Variants in AGAP1 observed in about 807,000 individuals in gnomAD.
AGAP1 encodes ArfGAP with GTPase domain, ankyrin repeat and PH domain 1.
Under a neutral mutation model 105.3 loss-of-function variants are expected in AGAP1, and 29 were observed. The observed-to-expected ratio is 0.28, with a 90% CI of 0.21 to 0.38. The LOEUF is 0.38. AGAP1 is among the 10% of genes least tolerant of loss of function. AGAP1 has a pLI of 1.00. For synonymous variants in AGAP1, 509 were observed against 485.9 expected, an observed-to-expected ratio of 1.05 and a Z score of -0.63; for missense variants, 998 against 1,165.1, an observed-to-expected ratio of 0.86 and a Z score of 2.09.
chr2:235,715,962 A>C (rs971879874), intron 2 of AGAP1, among the ~76,000 whole-genome samples: 1 of 152,180 alleles, frequency 6.6e-6, no homozygotes, highest in Non-Finnish European at 1.5e-5. Context: ...AATACCGCAT[A>C]GGTGGCGTAC....
At chr2:235,680,010 T>A (rs1167106811) in intron 1 of AGAP1, among the ~76,000 whole-genome samples, 1 of 152,266 alleles carries the variant, frequency 6.6e-6, no homozygotes, top group East Asian at 1.9e-4. Flanking sequence ...AACGTACTAC[T>A]ACTTTGGATA....
rs767216903 is a variant in AGAP1 at position 235,635,736 on chromosome 2, CG to C, written c.164-73440del. ...TTGCCCGGAAGTCTGATGCGTGAGG[CG>C]GGAAGGTTAAAACTTGTTGGCTTTG... On this transcript the variant is annotated intron_variant, in intron 1 of 17. Transcript: ENST00000304032. This position sits in a 1 kb window ranked among gnomAD's most constrained non-coding sequence, Gnocchi z 5.3. Among the ~76,000 whole-genome samples the C allele has an allele frequency of 9.2e-5, 14 of 152,214 alleles. No individual in the cohort carries two copies. Among genetic ancestry groups the C allele is most frequent in the Non-Finnish European group, 1.6e-4 (11 of 68,018 alleles).
At chr2:235,978,170 G>A (rs1034738038) in intron 13 of AGAP1, among the ~76,000 whole-genome samples, 2 of 152,174 alleles carry the variant, frequency 1.3e-5, no homozygotes, top group Admixed American at 6.5e-5. Context: ...CAGCACATTG[G>A]TGGGGTGAGG....
chr2:236,050,738 T>C lies in AGAP1; in HGVS notation c.2114+1457T>C, dbSNP rs184098536. On this transcript the variant is annotated intron_variant, in intron 16 of 17. Transcript: ENST00000304032. The surrounding 1 kb of genome is among the most constrained non-coding windows in gnomAD (Gnocchi z 4.0). The stretch of plus-strand genomic sequence containing the variant: ...GGAAAAATCTATGCATCTTACTGTT[T>C]ATATGTAAAAGAAGCACATTCACTA... Among the ~76,000 whole-genome samples the C allele has an allele frequency of 3.3e-5, 5 of 152,364 alleles. No individual in the cohort carries two copies. The highest frequency in any genetic ancestry group is 7.3e-5 in the Non-Finnish European group (5 of 68,038).
chr2:235,829,770 T>C (rs1160307126), intron 9 of AGAP1, among the ~76,000 whole-genome samples: 1 of 152,184 alleles, frequency 6.6e-6, no homozygotes, highest in Non-Finnish European at 1.5e-5. Context: ...GGGTGGCCCC[T>C]CTGTGCTGGG....
rs1235045622 is a variant in AGAP1 at position 236,038,158 on chromosome 2, T to A, written c.1800+1443T>A. ...TTCCATACACCCTGGCTTTACTGGG[T>A]CACGTCCACATGCATCCATGATGTG... On this transcript the variant is annotated intron_variant, in intron 14 of 17. Transcript: ENST00000304032. The surrounding 1 kb of genome is among the most constrained non-coding windows in gnomAD (Gnocchi z 4.5). Among the ~76,000 whole-genome samples the A allele has an allele frequency of 6.6e-6, 1 of 152,148 alleles. No individual in the cohort carries two copies. Among genetic ancestry groups the A allele is most frequent in the Non-Finnish European group, 1.5e-5 (1 of 68,028 alleles).
chr2:235,557,056 C>T lies in AGAP1; in HGVS notation c.163+62207C>T, dbSNP rs1466488555. Among the ~76,000 whole-genome samples, 5 of 152,124 alleles carry T rather than the reference C, an allele frequency of 3.3e-5. No homozygotes were observed. The highest frequency in any genetic ancestry group is 1.9e-4 in the East Asian group (1 of 5,190). ...AGGCAGACTTGGCCTTCCCAGCTGGCGCGGGACTGGGGACTTAGGGGACTG... is the reference window on the plus strand; with the variant it reads ...AGGCAGACTTGGCCTTCCCAGCTGGTGCGGGACTGGGGACTTAGGGGACTG... On this transcript the variant is annotated intron_variant, in intron 1 of 17. Coordinates refer to ENST00000304032, the MANE Select transcript of AGAP1 (RefSeq NM_001037131.3). This position sits in a 1 kb window ranked among gnomAD's most constrained non-coding sequence, Gnocchi z 4.7.
chr2:235,851,961 G>A (rs1487157544), intron 9 of AGAP1, among the ~76,000 whole-genome samples: 1 of 152,134 alleles, frequency 6.6e-6, no homozygotes, highest in Non-Finnish European at 1.5e-5. Context: ...ATACATTAAA[G>A]TGGGCAAAGC....
intron 1 of AGAP1, chr2:235,671,051 C>A (rs1163086125): frequency 1.6e-6 from 2 of 1,281,382 alleles, no homozygotes; most frequent in African/African-American, 1.5e-5. Context: ...CGGCTCCCCG[C>A]GCAGAGGTGG....
chr2:236,018,411 C>G (rs977955514), intron 13 of AGAP1, among the ~76,000 whole-genome samples: 1 of 152,322 alleles, frequency 6.6e-6, no homozygotes, highest in South Asian at 2.1e-4. Flanking sequence ...GGAGGAAACT[C>G]GGGAGGGAGG....
intron 1 of AGAP1, among the ~76,000 whole-genome samples, chr2:235,584,925 T>TTA (rs60407184): frequency 4.4e-4 from 64 of 145,876 alleles, no homozygotes; most frequent in African/African-American, 1.5e-3. Context: ...TTTTTTTTTT[T>TTA]AAAGAAAACC....
rs561634029 is a variant in AGAP1, at chr2:235,950,622, A to G, written c.1484-17840A>G. ...GAATGACCAGAGCTTTCTCTGCTGA[A>G]TAGCCAGCCAGCCAGGATTCTGCTT... is the stretch of plus-strand genomic sequence containing the variant. On this transcript the variant is annotated intron_variant, in intron 12 of 17. Coordinates refer to ENST00000304032, the MANE Select transcript of AGAP1 (RefSeq NM_001037131.3). 1.3e-4 allele frequency among the ~76,000 whole-genome samples: 20 copies of G among 151,744 alleles called. No individual in the cohort carries two copies. In the East Asian group the frequency reaches 3.9e-3, roughly 30 times the overall value.
chr2:236,004,589 T>A (rs932346982), intron 13 of AGAP1, among the ~76,000 whole-genome samples: 1 of 152,214 alleles, frequency 6.6e-6, no homozygotes. Context: ...AAATAAAATA[T>A]ATGGAGACAG....
intron 2 of AGAP1, among the ~76,000 whole-genome samples, chr2:235,711,257 G>A (rs1186586702): frequency 1.3e-5 from 2 of 152,182 alleles, no homozygotes; most frequent in Non-Finnish European, 2.9e-5. Flanking sequence ...AGCCACACAG[G>A]GCCAGCGGCC....
rs1951542218 is a variant in AGAP1, at chr2:235,724,325, C to T, written c.310+6681C>T. On this transcript the variant is annotated intron_variant, in intron 3 of 17. Transcript: ENST00000304032. This position sits in a 1 kb window ranked among gnomAD's most constrained non-coding sequence, Gnocchi z 4.9. ...CCCTCCCAGAAGGGCGACCCTCCAG[C>T]CCCATGTCCAGGCTCTCCCATCTTC... 6.6e-6 allele frequency among the ~76,000 whole-genome samples: 1 copy of T among 152,226 alleles called. No homozygotes were observed. The highest frequency in any genetic ancestry group is 2.4e-5 in the African/African-American group (1 of 41,450).
In AGAP1 at chr2:235,979,633, G is replaced by A. The variant is rs555088845; in HGVS notation, c.1645+11010G>A. Among the ~76,000 whole-genome samples, 1 of 152,194 alleles carries A rather than the reference G, an allele frequency of 6.6e-6. No homozygotes were observed. On this transcript the variant is annotated intron_variant, in intron 13 of 17. Transcript: ENST00000304032. The surrounding 1 kb of genome is among the most constrained non-coding windows in gnomAD (Gnocchi z 4.5). The stretch of plus-strand genomic sequence containing the variant: ...GTTCCGGCAGGCATTGCCGTGCACG[G>A]ACACACAACTTCACAAGGGCCTCTT...
At chr2:235,540,147 TC>T in intron 1 of AGAP1, among the ~76,000 whole-genome samples, 1 of 144,384 alleles carries the variant, frequency 6.9e-6, no homozygotes, top group African/African-American at 2.6e-5. Flanking sequence ...CCCTCTCTCC[TC>T]TTTTTTTTTT....
At chr2:235,647,392 C>A (rs1230135173) in intron 1 of AGAP1, among the ~76,000 whole-genome samples, 8 of 152,012 alleles carry the variant, frequency 5.3e-5, no homozygotes, top group South Asian at 4.2e-4. Flanking sequence ...AATCACATTT[C>A]TTTTTTCTTT....
Position 236,062,456 on chromosome 2 carries a change from T to C in AGAP1, c.2114+13175T>C, listed in dbSNP as rs2058227249. On this transcript the variant is annotated intron_variant, in intron 16 of 17. Coordinates refer to ENST00000304032, the MANE Select transcript of AGAP1 (RefSeq NM_001037131.3). The surrounding 1 kb of genome is among the most constrained non-coding windows in gnomAD (Gnocchi z 4.2). The stretch of plus-strand genomic sequence containing the variant: ...CGTATTTTGTTGTTGTTGTTGTTGT[T>C]GTTGTTACTTTTCATTTATTTTCAT... 6.8e-6 allele frequency among the ~76,000 whole-genome samples: 1 copy of C among 146,980 alleles called. No individual in the cohort carries two copies. Among genetic ancestry groups the C allele is most frequent in the Non-Finnish European group, 1.5e-5 (1 of 66,766 alleles).
Sources: allele counts gnomAD v4.1 joint callset (sites outside exome capture counted in the v4.1 genomes callset), GRCh38; gene constraint gnomAD v4.1.1; non-coding constraint Gnocchi (gnomAD v3.1); transcripts MANE v1.5; gene names NCBI Gene and HGNC (gene_info 2026-07-23, HGNC 2026-07-21).